Variants in GON4L observed in about 807,000 individuals in gnomAD.
GON4L encodes the protein GON-4-like protein.
GON4L carries 87 observed loss-of-function variants against 211.8 expected under a neutral mutation model. The observed-to-expected ratio is 0.41, with a 90% CI of 0.35 to 0.49. GON4L has a LOEUF of 0.49. Among genes scored for constraint, GON4L ranks in the 20% least tolerant of loss-of-function variants. The pLI, the probability that GON4L is intolerant of heterozygous loss-of-function variation, is 0.15. For synonymous variants in GON4L, 875 were observed against 962.6 expected, an observed-to-expected ratio of 0.91 and a Z score of 1.68; for missense variants, 2,155 against 2,659.5, an observed-to-expected ratio of 0.81 and a Z score of 4.17.
intron 15 of GON4L, among the ~76,000 whole-genome samples, 200 bp from the exon 16 acceptor site, chr1:155,776,681 G>A (rs1663856362): frequency 6.6e-6 from 1 of 152,104 alleles, no homozygotes; most frequent in Non-Finnish European, 1.5e-5. Context: ...CTCCTGAGTA[G>A]CTGGGACCAC....
chr1:155,836,792 C>T (rs1406475475), intron 2 of GON4L, among the ~76,000 whole-genome samples: 2 of 152,180 alleles, frequency 1.3e-5, no homozygotes, highest in African/African-American at 4.8e-5. Flanking sequence ...CTTTTCTGCT[C>T]TTAGTGCCTA....
At chr1:155,838,139 T>C (rs1043591529) in intron 2 of GON4L, among the ~76,000 whole-genome samples, 5 of 152,034 alleles carry the variant, frequency 3.3e-5, no homozygotes, top group Non-Finnish European at 5.9e-5. Context: ...CACACACTTA[T>C]AGTCCCAGCT....
rs1660471885 is a variant in GON4L, at chr1:155,750,666, T to C, written c.6644A>G (p.Glu2215Gly). Residue 2215 changes from glutamate (E) to glycine (G), a missense_variant, in exon 32 of 32, where the codon GAG (glutamate) becomes GGG (glycine). This residue lies in a region of GON4L where 186 missense variants were observed against 308.1 expected (regional missense o/e 0.60). Transcript: ENST00000368331. ...HTACEASSED[E>G]DDATSTSNAD... is the part of the protein sequence containing the mutation. Reference sequence around the variant, plus strand: ...ATTGCTGGTACTGGTTGCATCATCCTCATCCTCAGAGCTGGCTTCACAGGC... The same window carrying C: ...ATTGCTGGTACTGGTTGCATCATCCCCATCCTCAGAGCTGGCTTCACAGGC... 4 of 1,584,566 alleles carry C rather than the reference T, an allele frequency of 2.5e-6. No homozygotes were observed. In the East Asian group the frequency reaches 9.1e-5, roughly 36 times the overall value.
chr1:155,855,036 CAA>C (rs1194347404), intron 1 of GON4L, among the ~76,000 whole-genome samples: 20 of 92,178 alleles, frequency 2.2e-4, no homozygotes, highest in East Asian at 3.0e-4. Flanking sequence ...AACTCCATCT[CAA>C]AAAAAAAAAA....
chr1:155,828,661 A>C (rs1046436002), intron 2 of GON4L, among the ~76,000 whole-genome samples: 5 of 151,826 alleles, frequency 3.3e-5, no homozygotes, highest in Admixed American at 6.6e-5. Context: ...ACAAAAAATT[A>C]GCCAGGCATG....
At chr1:155,774,946 T>G in intron 17 of GON4L, 56 bp downstream of exon 17, 1 of 1,602,904 alleles carries the variant, frequency 6.2e-7, no homozygotes, top group Non-Finnish European at 8.5e-7. Context: ...TGGGATAAGA[T>G]TCCCACCACC....
chr1:155,802,321 G>GGA (rs1553208382), intron 11 of GON4L, among the ~76,000 whole-genome samples: 1 of 141,774 alleles, frequency 7.1e-6, no homozygotes, highest in South Asian at 2.5e-4. Context: ...TTGGGGGGGG[G>GGA]GAAGGCTTTA....
rs118190483 is a variant in GON4L, at chr1:155,787,387, A to T, written c.1748-2013T>A. 1.2e-4 allele frequency among the ~76,000 whole-genome samples: 19 copies of T among 152,308 alleles called. No homozygotes were observed. In the East Asian group the frequency reaches 3.5e-3, roughly 28 times the overall value. On this transcript the variant is annotated intron_variant, in intron 12 of 31. Coordinates refer to ENST00000368331, the MANE Select transcript of GON4L (RefSeq NM_001282860.2). Reference sequence around the variant, plus strand: ...AAACGGGGCTCATAACCAACAAGGCAAACATATCACTGAACTAGAGCAGAG... The same window carrying T: ...AAACGGGGCTCATAACCAACAAGGCTAACATATCACTGAACTAGAGCAGAG...
intron 21 of GON4L, 98 bp downstream of exon 21, chr1:155,764,902 G>C (rs1263078909): frequency 1.2e-6 from 2 of 1,602,904 alleles, no homozygotes; most frequent in South Asian, 2.2e-5. Flanking sequence ...AATGATTTTA[G>C]GACTATCCAT....
chr1:155,753,354 G>T lies in GON4L; in HGVS notation c.5692C>A (p.His1898Asn), dbSNP rs750319122. 1 of 1,613,682 alleles carries T rather than the reference G, an allele frequency of 6.2e-7. No homozygotes were observed. Among genetic ancestry groups the T allele is most frequent in the East Asian group, 2.2e-5 (1 of 44,872 alleles). ...CCAGGCATAGGACTAGCCTCTCGGT[G>T]GGGGCTGCTGCCCACCAACTCATGG... The part of the protein sequence containing the change: ...EPHELVGSSP[H>N]REASPMPGAK... The change falls in exon 29 of 32, where the codon CAC becomes AAC. Residue 1898 changes from histidine to asparagine, a missense_variant. By Grantham distance (68) the His-to-Asn change is moderately conservative. Around this residue, in one of 6 missense-constraint regions of GON4L, gnomAD observed 455 missense variants for 504.6 expected, o/e 0.90. Transcript: ENST00000368331.
chr1:155,751,684 A>G (rs1660603856), intron 31 of GON4L, 83 bp downstream of exon 31: 2 of 927,134 alleles, frequency 2.2e-6, no homozygotes, highest in East Asian at 2.6e-5. Flanking sequence ...CTTGGATATC[A>G]AAACTCCTTC....
chr1:155,791,849 C>T (rs1055654705), intron 12 of GON4L, among the ~76,000 whole-genome samples: 2 of 149,666 alleles, frequency 1.3e-5, no homozygotes, highest in Non-Finnish European at 3.0e-5. Context: ...GCCTGGGCGA[C>T]AACAGCGAAA....
At chr1:155,762,734 C>G (rs1011395833) in intron 22 of GON4L, among the ~76,000 whole-genome samples, 3 of 152,128 alleles carry the variant, frequency 2.0e-5, no homozygotes, top group Non-Finnish European at 2.9e-5. Context: ...GATAAGGTAA[C>G]AATCAGTTTA....
intron 11 of GON4L, among the ~76,000 whole-genome samples, chr1:155,804,297 G>T (rs1381128885): frequency 6.6e-6 from 1 of 152,040 alleles, no homozygotes; most frequent in Non-Finnish European, 1.5e-5. Flanking sequence ...GATCTCTTGA[G>T]CCCAGGAGTT....
At position 155,763,413 on chromosome 1, in the gene GON4L, T is replaced by A; in HGVS notation, c.4625A>T (p.Asp1542Val). 2 of 1,595,486 alleles carry A rather than the reference T, an allele frequency of 1.3e-6. No individual in the cohort carries two copies. Among genetic ancestry groups the A allele is most frequent in the Non-Finnish European group, 1.7e-6 (2 of 1,170,902 alleles). Residue 1542 changes from aspartate (D) to valine (V), a missense_variant, in exon 22 of 32, where the codon GAT becomes GTT. By Grantham distance (152) the Asp-to-Val change is radical (BLOSUM62 -3). Coordinates refer to ENST00000368331, the MANE Select transcript of GON4L (RefSeq NM_001282860.2). ...TCCAACTGCTTCATCCGTCATTTCATCCTCTTTCTGCAGGCTTTCCATTCC... is the reference window on the plus strand; with the variant it reads ...TCCAACTGCTTCATCCGTCATTTCAACCTCTTTCTGCAGGCTTTCCATTCC... The part of the protein sequence containing the change: ...AEGMESLQKE[D>V]EMTDEAVGDS...
chr1:155,753,396 A>G lies in GON4L; in HGVS notation c.5650T>C (p.Tyr1884His). 1 of 1,613,314 alleles carries G rather than the reference A, an allele frequency of 6.2e-7. No individual in the cohort carries two copies. ...AACTCATGGGGCTCCTTGCTCTTGT[A>G]GGATTTGCTGTCACAGACCTGCAGG... ...CSSKVCDSKS[Y>H]KSKEPHELVG... is the part of the protein sequence containing the mutation. Residue 1884 changes from tyrosine (Y) to histidine (H), a missense_variant, in exon 29 of 32, where the codon TAC becomes CAC. Tyr to His is a moderately conservative substitution (Grantham distance 83). Transcript: ENST00000368331.
intron 2 of GON4L, among the ~76,000 whole-genome samples, chr1:155,827,307 C>T (rs1669301027): frequency 6.6e-6 from 1 of 152,050 alleles, no homozygotes; most frequent in South Asian, 2.1e-4. Context: ...AAGGAAATTC[C>T]TGATGACATT....
chr1:155,758,367 G>C (rs1255682067), intron 24 of GON4L, among the ~76,000 whole-genome samples: 1 of 152,248 alleles, frequency 6.6e-6, no homozygotes, highest in Non-Finnish European at 1.5e-5. Flanking sequence ...CTTTCAGGCT[G>C]CACAAGGTGG....
At chr1:155,747,997 T>C (rs756972407), downstream of GON4L, 1 of 1,598,746 alleles carries the variant, frequency 6.3e-7, no homozygotes, top group Middle Eastern at 1.7e-4. Context: ...GAAACATCTA[T>C]CGTCTATTAA....
Sources: allele counts gnomAD v4.1 joint callset (sites outside exome capture counted in the v4.1 genomes callset), GRCh38; gene constraint gnomAD v4.1.1; regional missense constraint gnomAD v4.1.1; transcripts MANE v1.5; gene names NCBI Gene and HGNC (gene_info 2026-07-23, HGNC 2026-07-21).